ARHGEF28: variants seen among roughly 807,000 people sequenced by gnomAD.
ARHGEF28 encodes Rho guanine nucleotide exchange factor 28.
Under a neutral mutation model 206.6 loss-of-function variants are expected in ARHGEF28, and 152 were observed. That is an observed-to-expected ratio of 0.74 (90% CI 0.64 to 0.84). The LOEUF is 0.84. ARHGEF28 is among the 40% of genes least tolerant of loss of function. The pLI is 0.00. For missense variants in ARHGEF28, 2,028 were observed against 2,073.2 expected (o/e 0.98, Z 0.42); for synonymous variants, 763 against 776.4 (o/e 0.98, Z 0.29).
intron 9 of ARHGEF28, chr5:73,813,562 A>G: frequency 3.9e-6 from 6 of 1,535,224 alleles, no homozygotes; most frequent in Non-Finnish European, 4.4e-6. Flanking sequence ...CTACTGTTTC[A>G]TCTGTTGATT....
Position 73,868,110 on chromosome 5 carries a change from T to C in ARHGEF28, c.2308T>C (p.Ser770Pro), listed in dbSNP as rs1580008981. The change falls in exon 20 of 36, where the codon TCA becomes CCA. Residue 770 changes from serine (S) to proline (P), a missense_variant. Physicochemically the swap from Ser to Pro is moderately conservative, Grantham distance 74. This residue lies in a region of ARHGEF28 where 1,002 missense variants were observed against 1,015.3 expected (regional missense o/e 0.99). Coordinates refer to ENST00000513042, the MANE Select transcript of ARHGEF28 (RefSeq NM_001177693.2). ...PGTTLESFRRSATSLESESDH... is the reference protein window; with the variant it reads ...PGTTLESFRRPATSLESESDH... ...CTCCCTCTCTCCTAGCTTCAGGAGGTCAGCCACATCCTTGGAGTCTGAGAG... is the reference window on the plus strand; with the variant it reads ...CTCCCTCTCTCCTAGCTTCAGGAGGCCAGCCACATCCTTGGAGTCTGAGAG... The C allele has an allele frequency of 1.2e-6, 2 of 1,611,916 alleles. No individual in the cohort carries two copies. Among genetic ancestry groups the C allele is most frequent in the Non-Finnish European group, 1.7e-6 (2 of 1,179,104 alleles).
intron 21 of ARHGEF28, among the ~76,000 whole-genome samples, chr5:73,870,747 G>C (rs935530165): frequency 2.6e-5 from 4 of 152,180 alleles, no homozygotes; most frequent in Admixed American, 1.3e-4. Flanking sequence ...GCTGTGGTGA[G>C]ATTGTATTTT....
intron 34 of ARHGEF28, 122 bp from the exon 35 acceptor site, chr5:73,911,153 G>A: frequency 3.0e-6 from 3 of 995,260 alleles, no homozygotes; most frequent in Non-Finnish European, 4.3e-6. Context: ...GAAAAGAAGT[G>A]GTAATCTTGA....
At chr5:73,817,583 G>C (rs899133723) in intron 9 of ARHGEF28, among the ~76,000 whole-genome samples, 2 of 152,122 alleles carry the variant, frequency 1.3e-5, no homozygotes, top group African/African-American at 4.8e-5. Flanking sequence ...GAAGGAGAAG[G>C]GATGAAAGAA....
rs145005885 is a variant in ARHGEF28 at position 73,723,030 on chromosome 5, A to C, written c.34-26807A>C. On this transcript the variant is annotated intron_variant, in intron 2 of 35. Transcript: ENST00000513042. ...AGTATGAAGATATATTTTAGTCCAT[A>C]TTCTAATTTAATAAAGTTTTACATT... Among the ~76,000 whole-genome samples the C allele has an allele frequency of 4.1e-3, 627 of 152,322 alleles. 3 individuals are homozygous for C. The highest frequency in any genetic ancestry group is 4.2e-3 in the Non-Finnish European group (287 of 68,036).
At chr5:73,869,823 G>A (rs1759977919) in intron 20 of ARHGEF28, among the ~76,000 whole-genome samples, 2 of 152,038 alleles carry the variant, frequency 1.3e-5, no homozygotes, top group East Asian at 1.9e-4. Context: ...CAGGAGAATT[G>A]CTTGAACCCG....
chr5:73,922,436 A>G (rs1763569826), intron 35 of ARHGEF28, among the ~76,000 whole-genome samples: 1 of 152,256 alleles, frequency 6.6e-6, no homozygotes, highest in Admixed American at 6.5e-5. Context: ...ATCAGAAGTC[A>G]AGGAGCCTTC....
At chr5:73,804,691 G>T (rs1755338208) in intron 9 of ARHGEF28, among the ~76,000 whole-genome samples, 1 of 150,342 alleles carries the variant, frequency 6.7e-6, no homozygotes, top group African/African-American at 2.5e-5. Context: ...CCCTTAATTG[G>T]GTTTTTTCTG....
Position 73,852,678 on chromosome 5 carries a change from A to T in ARHGEF28, c.1776A>T (p.Pro592=). 1 of 1,613,674 alleles carries T rather than the reference A, an allele frequency of 6.2e-7. No homozygotes were observed. The highest frequency in any genetic ancestry group is 1.1e-5 in the South Asian group (1 of 91,064). Residue 592 remains proline (P), a synonymous_variant, in exon 14 of 36, where the codon CCA becomes CCT. Coordinates refer to ENST00000513042, the MANE Select transcript of ARHGEF28 (RefSeq NM_001177693.2). ...EEQRAYSLSE[P]PRENRIQEEE... is the part of the protein sequence containing the mutation. ...AAAGAGCTTACAGCTTATCGGAGCC[A>T]CCAAGAGAAAACAGGTACTTTTAAC...
intron 1 of ARHGEF28, among the ~76,000 whole-genome samples, chr5:73,633,914 T>A (rs971323352): frequency 6.6e-6 from 1 of 152,154 alleles, no homozygotes; most frequent in African/African-American, 2.4e-5. Context: ...AGTTTCCACG[T>A]TCATAGTCAT....
chr5:73,893,154 G>C (rs370621488), intron 27 of ARHGEF28, 43 bp from the exon 28 acceptor site: 125 of 1,448,116 alleles, frequency 8.6e-5, no homozygotes, highest in Non-Finnish European at 1.1e-4. Context: ...ACAGATACTT[G>C]CATTTGGTTT....
chr5:73,882,359 A>G (rs2112665104), intron 22 of ARHGEF28, 113 bp from the exon 23 acceptor site: 3 of 772,868 alleles, frequency 3.9e-6, no homozygotes, highest in African/African-American at 1.9e-5. Context: ...AAATTCCATG[A>G]TATTTATTTT....
intron 9 of ARHGEF28, among the ~76,000 whole-genome samples, chr5:73,807,160 A>G (rs1755562044): frequency 1.3e-5 from 2 of 151,846 alleles, no homozygotes; most frequent in Admixed American, 1.3e-4. Flanking sequence ...TATACCAGGA[A>G]CTTCCCTATC....
intron 35 of ARHGEF28, among the ~76,000 whole-genome samples, chr5:73,924,147 G>T (rs1763674840): frequency 6.6e-6 from 1 of 152,212 alleles, no homozygotes; most frequent in African/African-American, 2.4e-5. Flanking sequence ...CTTTTCCAAT[G>T]TAATGAGCCT....
chr5:73,749,872 T>C lies in ARHGEF28; in HGVS notation c.69T>C (p.Asn23=). Residue 23 remains asparagine, a synonymous_variant, in exon 3 of 36, where the codon AAT becomes AAC. Coordinates refer to ENST00000513042, the MANE Select transcript of ARHGEF28 (RefSeq NM_001177693.2). The part of the protein sequence containing the change: ...QMMIYAKFDK[N]VYLPEDAEFY... The stretch of plus-strand genomic sequence containing the variant: ...TGATCTATGCGAAGTTTGACAAAAA[T>C]GTGTATCTTCCTGAAGATGCTGAGT... 1 of 1,614,032 alleles carries C rather than the reference T, an allele frequency of 6.2e-7. No individual in the cohort carries two copies. The highest frequency in any genetic ancestry group is 8.5e-7 in the Non-Finnish European group (1 of 1,179,884).
intron 4 of ARHGEF28, among the ~76,000 whole-genome samples, chr5:73,757,053 G>A (rs1752353121): frequency 6.6e-6 from 1 of 152,120 alleles, no homozygotes; most frequent in African/African-American, 2.4e-5. Context: ...CTAATCTTGA[G>A]CTGTTTTGGA....
Position 73,780,677 on chromosome 5 carries a change from C to A in ARHGEF28, c.842C>A (p.Ala281Asp), listed in dbSNP as rs752507283. The change falls in exon 7 of 36, where the codon GCC becomes GAC. Residue 281 changes from alanine to aspartate, a missense_variant and splice_region_variant. Around this residue, in one of 3 missense-constraint regions of ARHGEF28, gnomAD observed 1,002 missense variants for 1,015.3 expected, o/e 0.99. Coordinates refer to ENST00000513042, the MANE Select transcript of ARHGEF28 (RefSeq NM_001177693.2). ...YFWDRAFLVK[A>D]FEPEARPEER... ...TTTTTTTTCCCCATTGTTTCCTAGG[C>A]CTTTGAGCCAGAAGCCAGGCCAGAG... 6.4e-7 allele frequency: 1 copy of A among 1,553,604 alleles called. No homozygotes were observed. Among genetic ancestry groups the A allele is most frequent in the Non-Finnish European group, 8.7e-7 (1 of 1,148,250 alleles).
chr5:73,677,306 A>C (rs1323412133), intron 1 of ARHGEF28, among the ~76,000 whole-genome samples: 1 of 152,226 alleles, frequency 6.6e-6, no homozygotes, highest in African/African-American at 2.4e-5. Context: ...GACTTCCCAT[A>C]TATTCCTTTC....
chr5:73,845,336 C>T (rs1271438854), intron 11 of ARHGEF28, among the ~76,000 whole-genome samples: 1 of 152,006 alleles, frequency 6.6e-6, no homozygotes, highest in Non-Finnish European at 1.5e-5. Context: ...CTTTTTTTAA[C>T]CTCTAAAAAT....
Sources: gnomAD v4.1 joint callset for allele counts (sites outside exome capture counted in the v4.1 genomes callset) on GRCh38, gnomAD v4.1.1 for gene constraint, gnomAD v4.1.1 regional missense constraint, MANE v1.5 for transcripts, NCBI Gene and HGNC (gene_info 2026-07-23, HGNC 2026-07-21) for gene names.